The following FGF2 variants were observed in gnomAD, a reference collection of about 807,000 sequenced individuals.
FGF2 encodes basic fibroblast growth factor bFGF.
FGF2 carries 13 observed loss-of-function variants against 15.9 expected under a neutral mutation model. The ratio of observed to expected loss-of-function variants is 0.82; its 90% CI spans 0.53 to 1.30. The LOEUF is 1.30. FGF2 is among the 50% of genes most tolerant of loss of function. The pLI is 0.00. For missense variants in FGF2, 163 were observed against 196.9 expected (o/e 0.83, Z 1.03); for synonymous variants, 90 against 78.4 (o/e 1.15, Z -0.78).
Position 122,827,325 on chromosome 4 carries a change from G to C in FGF2, c.151G>C (p.Gly51Arg). Residue 51 changes from glycine (G) to arginine (R), a missense_variant, in exon 1 of 3, where the codon GGG (glycine) becomes CGG (arginine). Transcript: ENST00000644866. This position sits in a 1 kb window ranked among gnomAD's most constrained non-coding sequence, Gnocchi z 4.2. The stretch of plus-strand genomic sequence containing the variant: ...CATCCACCCCGACGGCCGAGTTGAC[G>C]GGGTCCGGGAGAAGAGCGACCCTCA... Reference protein sequence around the residue: ...LRIHPDGRVDGVREKSDPHIK... With the variant: ...LRIHPDGRVDRVREKSDPHIK... 6.2e-7 allele frequency: 1 copy of C among 1,612,958 alleles called. No individual in the cohort carries two copies.
chr4:122,852,909 A>G (rs935665042), intron 1 of FGF2, among the ~76,000 whole-genome samples: 13 of 152,170 alleles, frequency 8.5e-5, no homozygotes, highest in African/African-American at 3.1e-4. Context: ...TCAAGAACCT[A>G]CGGTATGTTT....
At chr4:122,860,876 C>G (rs72672975) in intron 1 of FGF2, among the ~76,000 whole-genome samples, 240 of 152,274 alleles carry the variant, frequency 1.6e-3, no homozygotes, top group Non-Finnish European at 2.9e-3. Flanking sequence ...TGTCCTTTTT[C>G]TGTTCCGAGA....
chr4:122,858,395 TTTTAC>T (rs922057876), intron 1 of FGF2, among the ~76,000 whole-genome samples: 5 of 152,002 alleles, frequency 3.3e-5, no homozygotes, highest in Non-Finnish European at 7.4e-5. Flanking sequence ...TTTTTTTTCC[TTTTAC>T]TTTGTTTTCT....
At chr4:122,874,447 G>A (rs1726798818) in intron 1 of FGF2, among the ~76,000 whole-genome samples, 1 of 152,140 alleles carries the variant, frequency 6.6e-6, no homozygotes, top group Non-Finnish European at 1.5e-5. Flanking sequence ...ATCCAGGGGT[G>A]ACTGACACAC....
intron 1 of FGF2, among the ~76,000 whole-genome samples, chr4:122,836,107 T>G (rs1725860893): frequency 6.6e-6 from 1 of 152,220 alleles, no homozygotes. Context: ...CAGAACTTCA[T>G]GCTTTCTGTA....
intron 1 of FGF2, among the ~76,000 whole-genome samples, chr4:122,856,824 A>G (rs1726352002): frequency 6.6e-6 from 1 of 152,290 alleles, no homozygotes; most frequent in Non-Finnish European, 1.5e-5. Flanking sequence ...GTGATTCCTC[A>G]GGTTGCCCTT....
chr4:122,854,099 A>G (rs2150772926), intron 1 of FGF2, among the ~76,000 whole-genome samples: 1 of 152,330 alleles, frequency 6.6e-6, no homozygotes, highest in African/African-American at 2.4e-5. Context: ...GGGAAAAGCC[A>G]TTATATATTT....
At chr4:122,865,146 G>A (rs1301946340) in intron 1 of FGF2, among the ~76,000 whole-genome samples, 2 of 152,016 alleles carry the variant, frequency 1.3e-5, no homozygotes, top group African/African-American at 4.8e-5. Context: ...TAGAAGCTTA[G>A]ATTTTTATGT....
rs1198499280 is a variant in FGF2, at chr4:122,891,032, T to TG, written c.283-1179_283-1178insG. On this transcript the variant is annotated intron_variant, in intron 2 of 2. Coordinates refer to ENST00000644866, the MANE Select transcript of FGF2 (RefSeq NM_001361665.2). ...TTTGAACAATTTATCTTTTTTTTTTTTTTGTTTTGTTTTGTTTTGTTTTTT... is the reference window on the plus strand; with the variant it reads ...TTTGAACAATTTATCTTTTTTTTTTTGTTTGTTTTGTTTTGTTTTGTTTTTT... Among the ~76,000 whole-genome samples the TG allele has an allele frequency of 8.7e-4, 105 of 120,952 alleles. 1 individual carries two copies. The highest frequency in any genetic ancestry group is 2.3e-3 in the African/African-American group (74 of 32,498). The allele number at this position is 120,952 out of a possible 152,430, so 79.3% of individuals were successfully genotyped here.
At chr4:122,869,206 G>T (rs1255900997) in intron 1 of FGF2, among the ~76,000 whole-genome samples, 3 of 151,960 alleles carry the variant, frequency 2.0e-5, no homozygotes, top group Non-Finnish European at 4.4e-5. Context: ...TATCTGTTTT[G>T]GTACCAGTAC....
intron 1 of FGF2, among the ~76,000 whole-genome samples, chr4:122,835,891 C>T (rs2150763225): frequency 6.6e-6 from 1 of 152,272 alleles, no homozygotes. Flanking sequence ...CAATGATTGG[C>T]CTTTCTTCAT....
chr4:122,850,613 AAG>A (rs1413946407), intron 1 of FGF2, among the ~76,000 whole-genome samples: 1 of 152,204 alleles, frequency 6.6e-6, no homozygotes, highest in African/African-American at 2.4e-5. Context: ...GAAAGGAAGA[AAG>A]AGAAAAAAAC....
At position 122,826,909 on chromosome 4, in the gene FGF2, G is replaced by C; in HGVS notation, c.-266G>C. 6.7e-7 allele frequency: 1 copy of C among 1,502,288 alleles called. No homozygotes were observed. Among genetic ancestry groups the C allele is most frequent in the South Asian group, 1.2e-5 (1 of 80,144 alleles). The allele number at this position is 1,502,288 out of a possible 1,614,324, so 93.1% of individuals were successfully genotyped here. A position where few individuals can be genotyped will look rare whatever the true frequency, so the allele number is the denominator to read the frequency against. On this transcript the variant is annotated 5_prime_UTR_variant, in exon 1 of 3. Coordinates refer to ENST00000644866, the MANE Select transcript of FGF2 (RefSeq NM_001361665.2). ...GCTTGGGAGGCGGCTCTCCCCAGGCGGCGTCCGCGGAGACACCCATCCGTG... is the reference window on the plus strand; with the variant it reads ...GCTTGGGAGGCGGCTCTCCCCAGGCCGCGTCCGCGGAGACACCCATCCGTG...
intron 1 of FGF2, among the ~76,000 whole-genome samples, chr4:122,851,406 G>A (rs148418834): frequency 2.2e-4 from 33 of 152,256 alleles, no homozygotes; most frequent in Middle Eastern, 3.4e-3. Context: ...TTAGAAGTAG[G>A]TATGGCCAAT....
At chr4:122,859,902 T>TGAA (rs1465049754) in intron 1 of FGF2, among the ~76,000 whole-genome samples, 1 of 152,256 alleles carries the variant, frequency 6.6e-6, no homozygotes, top group African/African-American at 2.4e-5. Flanking sequence ...GTTAATCTAG[T>TGAA]GAATACTTTT....
chr4:122,892,691 C>A lies in FGF2; in HGVS notation c.*295C>A. 1 of 1,357,726 alleles carries A rather than the reference C, an allele frequency of 7.4e-7. No homozygotes were observed. The highest frequency in any genetic ancestry group is 1.5e-5 in the African/African-American group (1 of 68,006). 84.1% of individuals were successfully genotyped at this position (1,357,726 alleles called of 1,614,324 possible). ...TTCGAAAAGAGGCTTTTAAAATGTG[C>A]ATGTTTAGAAACAAAATTTCTTCAT... On this transcript the variant is annotated 3_prime_UTR_variant, in exon 3 of 3. Transcript: ENST00000644866.
At chr4:122,874,081 G>A (rs1726790961) in intron 1 of FGF2, among the ~76,000 whole-genome samples, 1 of 152,140 alleles carries the variant, frequency 6.6e-6, no homozygotes, top group African/African-American at 2.4e-5. Flanking sequence ...GATTGATAAG[G>A]GACAGAAAGA....
intron 1 of FGF2, among the ~76,000 whole-genome samples, chr4:122,849,772 T>C (rs904575006): frequency 6.6e-6 from 1 of 152,160 alleles, no homozygotes; most frequent in Non-Finnish European, 1.5e-5. Context: ...GACTGCTGGC[T>C]GGGTAGCCTT....
intron 1 of FGF2, among the ~76,000 whole-genome samples, chr4:122,834,960 G>A (rs1236746619): frequency 6.6e-6 from 1 of 152,004 alleles, no homozygotes; most frequent in African/African-American, 2.4e-5. Flanking sequence ...CAGGTTTTTT[G>A]CATGTCTGAC....
Sources: gnomAD v4.1 joint callset for allele counts (sites outside exome capture counted in the v4.1 genomes callset) on GRCh38, gnomAD v4.1.1 for gene constraint, Gnocchi (gnomAD v3.1) non-coding constraint, MANE v1.5 for transcripts, NCBI Gene and HGNC (gene_info 2026-07-23, HGNC 2026-07-21) for gene names.